The following ESCO2 variants were observed in gnomAD, a reference collection of about 807,000 sequenced individuals.
The protein encoded by ESCO2 is establishment of sister chromatid cohesion N-acetyltransferase 2.
A neutral mutation model predicts 61.7 loss-of-function variants in ESCO2; 51 were observed. The observed-to-expected ratio is 0.83, with a 90% CI of 0.66 to 1.04. ESCO2 has a LOEUF of 1.04. Among genes scored for constraint, ESCO2 ranks in the 50% least tolerant of loss-of-function variants. The probability of loss-of-function intolerance (pLI) is 0.00; values close to 1 mark genes in which losing one functional copy is unlikely to be tolerated. For missense variants in ESCO2, 692 were observed against 686.2 expected, an observed-to-expected ratio of 1.01 and a Z score of -0.09; for synonymous variants, 230 against 238.2, an observed-to-expected ratio of 0.97 and a Z score of 0.32.
At position 27,785,878 on chromosome 8, in the gene ESCO2, C is replaced by G. The variant is rs56064118; in HGVS notation, c.1013+1821C>G. ...TTTTTGGTTTTTAAAATTCAATGAA[C>G]ATTTAGAGAGTATCACATGCTATTG... On this transcript the variant is annotated intron_variant, in intron 5 of 10. Transcript: ENST00000305188. 1.7e-3 allele frequency among the ~76,000 whole-genome samples: 257 copies of G among 152,226 alleles called. 2 individuals are homozygous for G. Among genetic ancestry groups the G allele is most frequent in the Admixed American group, 3.9e-3 (59 of 15,298 alleles).
chr8:27,806,555 G>T (rs376462645), downstream of ESCO2, among the ~76,000 whole-genome samples: 2 of 151,628 alleles, frequency 1.3e-5, no homozygotes, highest in African/African-American at 4.8e-5. Context: ...TATTGGAATT[G>T]TGTCAGATCT....
the ESCO2 span, among the ~76,000 whole-genome samples, chr8:27,819,322 A>AT: frequency 8.2e-6 from 1 of 122,508 alleles, no homozygotes; most frequent in East Asian, 3.2e-4. Flanking sequence ...TTTCAGTTGA[A>AT]TATTCAACTT....
At chr8:27,783,845 T>G (rs1804977439) in intron 4 of ESCO2, among the ~76,000 whole-genome samples, 155 bp from the exon 5 acceptor site, 1 of 152,256 alleles carries the variant, frequency 6.6e-6, no homozygotes, top group Non-Finnish European at 1.5e-5. Context: ...CAGCACCATC[T>G]GTTGAGGACT....
chr8:27,777,246 T>G, intron 3 of ESCO2, 77 bp downstream of exon 3: 1 of 1,363,132 alleles, frequency 7.3e-7, no homozygotes, highest in South Asian at 1.3e-5. Context: ...AATAAAATTT[T>G]ATTTTCTGGA....
downstream of ESCO2, among the ~76,000 whole-genome samples, chr8:27,812,836 AT>A (rs1486210653): frequency 6.6e-6 from 1 of 152,176 alleles, no homozygotes; most frequent in African/African-American, 2.4e-5. Flanking sequence ...GCTGGAGAGG[AT>A]GTGGAGAAAT....
At chr8:27,784,207 G>A in intron 5 of ESCO2, 150 bp downstream of exon 5, 1 of 691,282 alleles carries the variant, frequency 1.4e-6, no homozygotes, top group Non-Finnish European at 2.5e-6. Flanking sequence ...ATAGGGTGAT[G>A]AAATCAGTCC....
downstream of ESCO2, chr8:27,810,426 A>G (rs1293829021): frequency 1.2e-6 from 2 of 1,607,656 alleles, no homozygotes; most frequent in East Asian, 2.2e-5. Context: ...CAGTTCTTCC[A>G]TATTAATAGG....
chr8:27,799,708 T>TA lies in ESCO2; in HGVS notation c.1666dup (p.Thr556AsnfsTer15), dbSNP rs1173941393. ...AGCGCATTGCAAGACGACTGGTTGA[T>TA]ACCCTCAGGTAAGAAATAAAATGGA... On this transcript the variant is annotated frameshift_variant, in exon 10 of 11. Transcript: ENST00000305188. LOFTEE classifies it high-confidence loss of function. The TA allele has an allele frequency of 6.2e-7, 1 of 1,613,962 alleles. No individual in the cohort carries two copies. Among genetic ancestry groups the TA allele is most frequent in the South Asian group, 1.1e-5 (1 of 91,082 alleles).
At chr8:27,810,181 T>G, downstream of ESCO2, 1 of 668,532 alleles carries the variant, frequency 1.5e-6, no homozygotes, top group Admixed American at 2.9e-5. Flanking sequence ...TATCCATATG[T>G]TAACAAGAAA....
At chr8:27,810,434 A>G, downstream of ESCO2, 1 of 1,608,682 alleles carries the variant, frequency 6.2e-7, no homozygotes, top group South Asian at 1.1e-5. Flanking sequence ...CCATATTAAT[A>G]GGTGGCCTAG....
At position 27,788,979 on chromosome 8, in the gene ESCO2, G is replaced by C. The variant is rs80359863; in HGVS notation, c.1263+1G>C. 6.2e-7 allele frequency: 1 copy of C among 1,613,974 alleles called. No individual in the cohort carries two copies. The highest frequency in any genetic ancestry group is 8.5e-7 in the Non-Finnish European group (1 of 1,179,956). On this transcript the variant is annotated splice_donor_variant, in intron 7 of 10. Coordinates refer to ENST00000305188, the MANE Select transcript of ESCO2 (RefSeq NM_001017420.3). LOFTEE classifies it high-confidence loss of function. ...GTTTCTGGAAGGAATCAAATATGTGGTGAGCCAAAACATAGTCTTTCAGTT... is the reference window on the plus strand; with the variant it reads ...GTTTCTGGAAGGAATCAAATATGTGCTGAGCCAAAACATAGTCTTTCAGTT...
At chr8:27,814,988 T>C (rs1805782636), downstream of ESCO2, among the ~76,000 whole-genome samples, 1 of 152,190 alleles carries the variant, frequency 6.6e-6, no homozygotes, top group South Asian at 2.1e-4. Flanking sequence ...ATGAAAATTT[T>C]CAGTATTTGA....
chr8:27,789,015 G>A (rs771661539), intron 7 of ESCO2, 37 bp downstream of exon 7: 1 of 1,613,172 alleles, frequency 6.2e-7, no homozygotes, highest in East Asian at 2.2e-5. Context: ...TGTTCTAGAA[G>A]TAAAACTAAA....
At chr8:27,807,767 A>C (rs1805592026), downstream of ESCO2, among the ~76,000 whole-genome samples, 1 of 152,190 alleles carries the variant, frequency 6.6e-6, no homozygotes, top group African/African-American at 2.4e-5. Context: ...TCTACCAAAA[A>C]TTGTATGTTG....
In ESCO2 at chr8:27,791,964, G is replaced by C. The variant is rs552717450; in HGVS notation, c.1265G>C (p.Gly422Ala). Residue 422 changes from glycine to alanine, a missense_variant and splice_region_variant, in exon 8 of 11, where the codon GGT (glycine) becomes GCT (alanine). Transcript: ENST00000305188. ...GACCCTTTTGTTTTCCTTTGGCAGG[G>C]TTGGAAGAAAGAACGTGTAGTAGCA... is the stretch of plus-strand genomic sequence containing the variant. The part of the protein sequence containing the change: ...HRFLEGIKYV[G>A]WKKERVVAEF... 6.2e-7 allele frequency: 1 copy of C among 1,613,948 alleles called. No homozygotes were observed. Among genetic ancestry groups the C allele is most frequent in the East Asian group, 2.2e-5 (1 of 44,860 alleles).
At chr8:27,772,143 A>C (rs2128949544), upstream of ESCO2, 2 of 346,912 alleles carry the variant, frequency 5.8e-6, no homozygotes, top group East Asian at 1.2e-4. Flanking sequence ...ACAAGGGTTC[A>C]GCCAGAACAA....
At position 27,803,554 on chromosome 8, in the gene ESCO2, ACACACACACACACG is replaced by A. The variant is rs1369127318; in HGVS notation, c.*127_*140del. On this transcript the variant is annotated 3_prime_UTR_variant, in exon 11 of 11. Transcript: ENST00000305188. ...AATACCGAGACTCACACTCATACACACACACACACACACGCACACACACATATCACAGTTTTGTT... is the reference window on the plus strand; with the variant it reads ...AATACCGAGACTCACACTCATACACACACACACACATATCACAGTTTTGTT... The A allele has an allele frequency of 5.3e-5, 78 of 1,472,278 alleles. No individual in the cohort carries two copies. The highest frequency in any genetic ancestry group is 6.8e-5 in the Non-Finnish European group (76 of 1,118,542). The allele number at this position is 1,472,278 out of a possible 1,614,324, so 91.2% of individuals were successfully genotyped here.
intron 6 of ESCO2, 85 bp downstream of exon 6, chr8:27,788,087 G>T: frequency 1.1e-6 from 1 of 931,680 alleles, no homozygotes; most frequent in East Asian, 2.4e-5. Flanking sequence ...TTCAGAACTT[G>T]GTATTTTCAA....
chr8:27,794,504 T>C lies in ESCO2; in HGVS notation c.1497+1693T>C, dbSNP rs140223396. Among the ~76,000 whole-genome samples, 80 of 152,340 alleles carry C rather than the reference T, an allele frequency of 5.3e-4. No homozygotes were observed. The East Asian group carries it at 0.015, about 29-fold the overall frequency. On this transcript the variant is annotated intron_variant, in intron 9 of 10. Coordinates refer to ENST00000305188, the MANE Select transcript of ESCO2 (RefSeq NM_001017420.3). ...TATATATTTTGGATATTATCCCCTA[T>C]TGTATACACAAATTTTTTTTCCAAT... is the stretch of plus-strand genomic sequence containing the variant.
Sources: allele counts gnomAD v4.1 joint callset (sites outside exome capture counted in the v4.1 genomes callset), GRCh38; gene constraint gnomAD v4.1.1; transcripts MANE v1.5; gene names NCBI Gene and HGNC (gene_info 2026-07-23, HGNC 2026-07-21).